TBL1X: variants seen among roughly 807,000 people sequenced by gnomAD.
TBL1X encodes the protein F-box-like/WD repeat-containing protein TBL1X.
TBL1X carries 10 observed loss-of-function variants against 50.7 expected under a neutral mutation model. The observed-to-expected ratio is 0.20, with a 90% CI of 0.12 to 0.33. TBL1X has a LOEUF of 0.33. TBL1X is among the 10% of genes least tolerant of loss of function. The pLI, the probability that TBL1X is intolerant of heterozygous loss-of-function variation, is 1.00. For missense variants in TBL1X, 340 were observed against 504.4 expected (o/e 0.67, Z 3.12); for synonymous variants, 190 against 214.7 (o/e 0.88, Z 1.01).
intron 13 of TBL1X, among the ~76,000 whole-genome samples, chrX:9,706,391 C>G (rs1256301054): frequency 9.0e-6 from 1 of 111,249 alleles, no homozygotes; most frequent in Non-Finnish European, 1.9e-5. Flanking sequence ...CAGTAACAGC[C>G]AAGTTTTCCT....
intron 2 of TBL1X, among the ~76,000 whole-genome samples, chrX:9,609,336 G>GGTTGTGTGTGTGTGTGTGT (rs1555900203): frequency 1.1e-5 from 1 of 94,774 alleles, no homozygotes; most frequent in African/African-American, 4.1e-5. Flanking sequence ...TTTTCTTCCA[G>GGTTGTGTGTGTGTGTGTGT]GTGTGTGTGT....
At chrX:9,684,777 C>A (rs1381945885) in intron 6 of TBL1X, among the ~76,000 whole-genome samples, 1 of 111,658 alleles carries the variant, frequency 9.0e-6, no homozygotes, top group Admixed American at 9.5e-5. Flanking sequence ...CTTACACCGC[C>A]ACATCTGAAA....
At chrX:9,554,534 T>C (rs1165141853) in intron 2 of TBL1X, among the ~76,000 whole-genome samples, 1 of 112,572 alleles carries the variant, frequency 8.9e-6, no homozygotes, top group Non-Finnish European at 1.9e-5. Flanking sequence ...TATGCTATTA[T>C]GCTTTTGACA....
chrX:9,651,960 C>T (rs1009449142), intron 3 of TBL1X, among the ~76,000 whole-genome samples: 1 of 112,420 alleles, frequency 8.9e-6, no homozygotes, highest in Non-Finnish European at 1.9e-5. Context: ...AAACAACACA[C>T]ATTCATTCTC....
intron 2 of TBL1X, among the ~76,000 whole-genome samples, chrX:9,532,826 T>C (rs1221394932): frequency 1.8e-5 from 2 of 111,416 alleles, no homozygotes; most frequent in Non-Finnish European, 3.8e-5. Context: ...TAGTTACCTC[T>C]TGAATGGCCC....
chrX:9,694,502 G>T (rs145330876), intron 11 of TBL1X, among the ~76,000 whole-genome samples: 1,242 of 111,538 alleles, frequency 0.011, 20 homozygotes, highest in African/African-American at 0.036. Context: ...ACTGAGGCGC[G>T]AGAATCTCTT....
At chrX:9,605,300 A>T (rs1375589942) in intron 2 of TBL1X, among the ~76,000 whole-genome samples, 1 of 112,211 alleles carries the variant, frequency 8.9e-6, no homozygotes, top group African/African-American at 3.2e-5. Context: ...TATTCTGGGT[A>T]TGATGTCACA....
intron 2 of TBL1X, among the ~76,000 whole-genome samples, chrX:9,534,267 G>C (rs753869649): frequency 9.0e-6 from 1 of 111,434 alleles, no homozygotes; most frequent in Non-Finnish European, 1.9e-5. Flanking sequence ...AATGTCTTCA[G>C]AAAACTGGGT....
chrX:9,584,569 G>A (rs1439924849), intron 2 of TBL1X, among the ~76,000 whole-genome samples: 2 of 111,827 alleles, frequency 1.8e-5, no homozygotes, highest in African/African-American at 6.5e-5. Flanking sequence ...TTAGAGATGG[G>A]GTAGTAGCAG....
intron 2 of TBL1X, among the ~76,000 whole-genome samples, chrX:9,594,720 A>T (rs1011451044): frequency 1.8e-5 from 2 of 112,450 alleles, no homozygotes; most frequent in African/African-American, 6.5e-5. Context: ...CAGATATTTT[A>T]GGGAAGACAG....
At chrX:9,488,497 G>A (rs1422595097) in intron 1 of TBL1X, among the ~76,000 whole-genome samples, 5 of 111,723 alleles carry the variant, frequency 4.5e-5, no homozygotes, top group African/African-American at 9.8e-5. Flanking sequence ...CCACTTTTCC[G>A]GGCTCCTGTG....
At chrX:9,502,966 C>T (rs777291096) in intron 2 of TBL1X, among the ~76,000 whole-genome samples, 86 of 112,810 alleles carry the variant, frequency 7.6e-4, no homozygotes, top group African/African-American at 2.6e-3. Flanking sequence ...TCTTGGACTT[C>T]CAAGCCTCCA....
At chrX:9,470,861 T>G (rs1316687620) in intron 1 of TBL1X, among the ~76,000 whole-genome samples, 4 of 111,860 alleles carry the variant, frequency 3.6e-5, no homozygotes, top group Non-Finnish European at 5.6e-5. Context: ...CTCGAACTCC[T>G]GACTTCAGAT....
At chrX:9,632,751 C>T (rs1364066080) in intron 2 of TBL1X, among the ~76,000 whole-genome samples, 1 of 111,965 alleles carries the variant, frequency 8.9e-6, no homozygotes, top group Non-Finnish European at 1.9e-5. Flanking sequence ...TACGAGAAAG[C>T]AATTGGGCAT....
chrX:9,465,775 C>G (rs1276744101), intron 1 of TBL1X, among the ~76,000 whole-genome samples: 1 of 112,997 alleles, frequency 8.8e-6, no homozygotes, highest in Non-Finnish European at 1.9e-5. Flanking sequence ...AAGCGCTCGG[C>G]TTTTCCTCCG....
At position 9,716,645 on chromosome X, in the gene TBL1X, C is replaced by T. The variant is rs2083280478; in HGVS notation, c.*399C>T. The T allele has an allele frequency of 9.1e-6, 1 of 109,859 alleles. No homozygotes were observed. Among genetic ancestry groups the T allele is most frequent in the Non-Finnish European group, 1.7e-5 (1 of 57,152 alleles). 9.1% of individuals were successfully genotyped at this position (109,859 alleles called of 1,213,427 possible). On this transcript the variant is annotated 3_prime_UTR_variant, in exon 18 of 18. Transcript: ENST00000645353. ...AAACCAAACAGGGAAGGGGGAAAAA[C>T]CCTCCTCCTTGGGATTTTTTTTTTT...
chrX:9,683,237 C>G (rs1297074312), intron 5 of TBL1X, among the ~76,000 whole-genome samples: 1 of 111,918 alleles, frequency 8.9e-6, no homozygotes, highest in Non-Finnish European at 1.9e-5. Flanking sequence ...TTCCTTGAAG[C>G]AGGCGCCATC....
At chrX:9,705,741 AAAG>A (rs1420150485) in intron 13 of TBL1X, among the ~76,000 whole-genome samples, 1 of 109,883 alleles carries the variant, frequency 9.1e-6, no homozygotes, top group Admixed American at 9.7e-5. Context: ...AAAAAAAAAA[AAAG>A]AAAAGAAATT....
intron 5 of TBL1X, among the ~76,000 whole-genome samples, chrX:9,672,009 C>G (rs913451828): frequency 1.8e-5 from 2 of 112,212 alleles, no homozygotes; most frequent in African/African-American, 3.2e-5. Flanking sequence ...CATTCTTATG[C>G]TCATTAATTT....
Sources: gnomAD v4.1 joint callset for allele counts (sites outside exome capture counted in the v4.1 genomes callset) on GRCh38, gnomAD v4.1.1 for gene constraint, MANE v1.5 for transcripts, NCBI Gene and HGNC (gene_info 2026-07-23, HGNC 2026-07-21) for gene names.